The following EYS variants were observed in gnomAD, a reference collection of about 807,000 sequenced individuals.
EYS encodes the protein protein eyes shut homolog.
In EYS, 250 loss-of-function variants were observed where a neutral mutation model predicts 282.1. That is an observed-to-expected ratio of 0.89 (90% CI 0.80 to 0.98). The LOEUF (loss-of-function observed/expected upper bound fraction) is 0.98, where lower values mean the gene tolerates loss of function less well. Among genes scored for constraint, EYS ranks in the 50% least tolerant of loss-of-function variants. The pLI, the probability that EYS is intolerant of heterozygous loss-of-function variation, is 0.00. For synonymous variants in EYS, 1,355 were observed against 1,282.9 expected (o/e 1.06, Z -1.20); for missense variants, 4,016 against 3,709.0 (o/e 1.08, Z -2.15).
chr6:63,939,301 G>A (rs1290967256), intron 35 of EYS, among the ~76,000 whole-genome samples: 1 of 151,960 alleles, frequency 6.6e-6, no homozygotes, highest in Non-Finnish European at 1.5e-5. Context: ...AATTTTCATA[G>A]GCATGATAAA....
At chr6:64,182,541 C>T (rs1392599314) in intron 31 of EYS, among the ~76,000 whole-genome samples, 1 of 152,114 alleles carries the variant, frequency 6.6e-6, no homozygotes, top group Non-Finnish European at 1.5e-5. Flanking sequence ...TTTTCATCAG[C>T]ATATAAACAT....
chr6:65,221,188 A>T (rs971348496), intron 12 of EYS, among the ~76,000 whole-genome samples: 8 of 152,172 alleles, frequency 5.3e-5, no homozygotes, highest in African/African-American at 1.9e-4. Context: ...TTCTGAGGAG[A>T]AACTCAAGTT....
intron 28 of EYS, among the ~76,000 whole-genome samples, chr6:64,411,701 A>G (rs1773896411): frequency 6.6e-6 from 1 of 152,072 alleles, no homozygotes; most frequent in Admixed American, 6.6e-5. Context: ...TTTCAAAACT[A>G]GCCAGGTGTG....
intron 2 of EYS, among the ~76,000 whole-genome samples, chr6:65,502,058 T>C (rs777050500): frequency 2.0e-5 from 3 of 151,788 alleles, no homozygotes; most frequent in Admixed American, 6.6e-5. Flanking sequence ...TTTTCCATTG[T>C]CTATGTTTTA....
intron 30 of EYS, among the ~76,000 whole-genome samples, chr6:64,244,320 G>A (rs767359679): frequency 6.6e-6 from 1 of 152,032 alleles, no homozygotes; most frequent in Non-Finnish European, 1.5e-5. Flanking sequence ...TGAGCATTTT[G>A]TAATGTTTTC....
intron 22 of EYS, among the ~76,000 whole-genome samples, chr6:64,785,663 A>G (rs561095734): frequency 4.3e-4 from 65 of 152,330 alleles, no homozygotes; most frequent in Admixed American, 2.2e-3. Context: ...ACATCATGTA[A>G]TAGTATCATA....
chr6:65,442,925 C>T (rs1562185264), intron 5 of EYS, among the ~76,000 whole-genome samples: 1 of 133,756 alleles, frequency 7.5e-6, no homozygotes, highest in Non-Finnish European at 1.7e-5. Flanking sequence ...TACATATGTA[C>T]ATATATGTAT....
At chr6:65,592,353 A>T (rs1308165757) in intron 2 of EYS, among the ~76,000 whole-genome samples, 1 of 152,032 alleles carries the variant, frequency 6.6e-6, no homozygotes, top group Non-Finnish European at 1.5e-5. Context: ...TTTACAAATT[A>T]TGCATTGAAT....
At chr6:64,704,752 C>T (rs369046407) in intron 22 of EYS, among the ~76,000 whole-genome samples, 7 of 151,954 alleles carry the variant, frequency 4.6e-5, no homozygotes, top group African/African-American at 1.4e-4. Flanking sequence ...AATGACTTCA[C>T]GAGTTACAGC....
chr6:63,825,498 C>T (rs1431127787), intron 36 of EYS, among the ~76,000 whole-genome samples: 1 of 152,216 alleles, frequency 6.6e-6, no homozygotes, highest in Non-Finnish European at 1.5e-5. Context: ...CCATCGTGCC[C>T]TTCGCCACCT....
chr6:65,399,038 A>G (rs370487009), intron 7 of EYS, among the ~76,000 whole-genome samples: 150 of 152,166 alleles, frequency 9.9e-4, no homozygotes, highest in African/African-American at 3.5e-3. Context: ...CACCATCGCG[A>G]GTCATCTTGA....
intron 31 of EYS, among the ~76,000 whole-genome samples, chr6:64,094,571 A>T (rs539980912): frequency 3.5e-4 from 54 of 152,210 alleles, no homozygotes; most frequent in African/African-American, 1.2e-3. Context: ...CTCTGATGGT[A>T]GTTTGTATTT....
chr6:65,089,766 C>T (rs1774496686), intron 12 of EYS, among the ~76,000 whole-genome samples: 1 of 151,662 alleles, frequency 6.6e-6, no homozygotes, highest in Admixed American at 6.6e-5. Context: ...TCAGCCCAGC[C>T]AACATGACAA....
intron 33 of EYS, among the ~76,000 whole-genome samples, chr6:64,032,086 G>A (rs993381312): frequency 6.6e-6 from 1 of 152,022 alleles, no homozygotes; most frequent in Non-Finnish European, 1.5e-5. Flanking sequence ...CGAACTCACC[G>A]GGAGGAATGA....
rs544738657 is a variant in EYS, at chr6:64,503,801, T to C, written c.5645-64449A>G. On this transcript the variant is annotated intron_variant, in intron 26 of 42. Coordinates refer to ENST00000503581, the MANE Select transcript of EYS (RefSeq NM_001142800.2). ...CTAAATATCATCAAATTGTAATCCC[T>C]ACATATCAGGGGAGGGGCCTGGTGG... 6.7e-4 allele frequency among the ~76,000 whole-genome samples: 102 copies of C among 152,252 alleles called. 1 individual carries two copies. The highest frequency in any genetic ancestry group is 4.2e-3 in the Admixed American group (65 of 15,296).
intron 30 of EYS, among the ~76,000 whole-genome samples, chr6:64,232,137 A>G (rs757104817): frequency 1.6e-4 from 25 of 152,118 alleles, no homozygotes; most frequent in Non-Finnish European, 4.4e-5. Flanking sequence ...TTCTTTCGCA[A>G]CCTGAAATTC....
chr6:64,651,668 C>A (rs372973759), intron 22 of EYS, among the ~76,000 whole-genome samples: 7 of 151,620 alleles, frequency 4.6e-5, no homozygotes, highest in African/African-American at 1.7e-4. Flanking sequence ...GGTGACAGAG[C>A]GAGACTCCGT....
At chr6:64,660,015 G>A (rs1768933249) in intron 22 of EYS, among the ~76,000 whole-genome samples, 1 of 152,184 alleles carries the variant, frequency 6.6e-6, no homozygotes, top group Non-Finnish European at 1.5e-5. Context: ...GAATCCAGCA[G>A]CACATCAAAA....
intron 18 of EYS, among the ~76,000 whole-genome samples, chr6:64,898,131 G>C (rs979442017): frequency 6.6e-6 from 1 of 151,534 alleles, no homozygotes; most frequent in Non-Finnish European, 1.5e-5. Context: ...CTCGAGAAAA[G>C]CAACCCCAAG....
Sources: gnomAD v4.1 joint callset for allele counts (sites outside exome capture counted in the v4.1 genomes callset) on GRCh38, gnomAD v4.1.1 for gene constraint, MANE v1.5 for transcripts, NCBI Gene and HGNC (gene_info 2026-07-23, HGNC 2026-07-21) for gene names.